The following RHD variants were observed in gnomAD, a reference collection of about 807,000 sequenced individuals.
RHD encodes blood group Rh(D) polypeptide.
Under a neutral mutation model 45.5 loss-of-function variants are expected in RHD, and 16 were observed. The observed-to-expected ratio is 0.35, with a 90% confidence interval of 0.24 to 0.53. RHD has a LOEUF of 0.53. Ranked by LOEUF, RHD falls within the 20% of genes least tolerant of loss-of-function variation. The pLI is 0.92. For synonymous variants in RHD, 131 were observed against 217.5 expected (o/e 0.60, Z 3.50); for missense variants, 306 against 532.0 (o/e 0.58, Z 4.18).
chr1:25,319,363 C>A (rs1644577879), intron 8 of RHD, among the ~76,000 whole-genome samples: 1 of 132,490 alleles, frequency 7.5e-6, no homozygotes, highest in Admixed American at 7.3e-5. Context: ...TACTTGTAAT[C>A]CCAGCACCTT....
intron 3 of RHD, among the ~76,000 whole-genome samples, chr1:25,292,378 T>G (rs557059432): frequency 0.016 from 2,137 of 129,634 alleles, 312 homozygotes; most frequent in Middle Eastern, 0.056. Flanking sequence ...CGGCAGTGAT[T>G]GCCATCATCC....
intron 1 of RHD, among the ~76,000 whole-genome samples, chr1:25,280,260 G>T (rs1641357169): frequency 7.9e-6 from 1 of 127,370 alleles, no homozygotes. Context: ...AGGGGCAGCA[G>T]CTGTGCCCAA....
At chr1:25,294,496 G>A in intron 3 of RHD, 1 of 688,220 alleles carries the variant, frequency 1.5e-6, no homozygotes, top group East Asian at 2.5e-5. Context: ...GGTGACAAGT[G>A]TATGTGCTGC....
intron 3 of RHD, among the ~76,000 whole-genome samples, chr1:25,299,073 A>T (rs1398195971): frequency 3.2e-5 from 2 of 62,266 alleles, no homozygotes; most frequent in African/African-American, 6.0e-5. Flanking sequence ...ACATGGTGAT[A>T]AAAAAAAAAA....
At chr1:25,310,340 AAG>A (rs1218861296) in intron 7 of RHD, among the ~76,000 whole-genome samples, 4 of 132,994 alleles carry the variant, frequency 3.0e-5, no homozygotes, top group African/African-American at 1.0e-4. Context: ...TAAGAAGAGA[AAG>A]AGAAATCTGA....
At chr1:25,272,869 T>G (rs1640614614) in intron 1 of RHD, among the ~76,000 whole-genome samples, 174 bp downstream of exon 1, 1 of 131,732 alleles carries the variant, frequency 7.6e-6, no homozygotes, top group Non-Finnish European at 1.8e-5. Context: ...TAAGCTTTCC[T>G]TTAGAAGCAG....
In RHD at chr1:25,282,232, T is replaced by TTTTA. The variant is rs1176960152; in HGVS notation, c.149-2325_149-2322dup. Among the ~76,000 whole-genome samples the TTTTA allele has an allele frequency of 2.3e-5, 3 of 132,166 alleles. 1 individual carries two copies. Among genetic ancestry groups the TTTTA allele is most frequent in the Non-Finnish European group, 3.6e-5 (2 of 55,800 alleles). 86.7% of individuals were successfully genotyped at this position (132,166 alleles called of 152,430 possible). A position where few individuals can be genotyped will look rare whatever the true frequency, so the allele number is the denominator to read the frequency against. On this transcript the variant is annotated intron_variant, in intron 1 of 9. Transcript: ENST00000328664. ...TGGAAACACATAAATTGATATTTCA[T>TTTTA]TTTATTTATTTATTTATTTTGAGAC...
At chr1:25,324,088 C>T (rs1217359074) in intron 9 of RHD, among the ~76,000 whole-genome samples, 3 of 63,664 alleles carry the variant, frequency 4.7e-5, no homozygotes, top group Admixed American at 1.8e-4. Context: ...ACAGCACAAA[C>T]AGGAGAAATC....
In RHD at chr1:25,310,877, G is replaced by T. The variant is rs1397432245; in HGVS notation, c.1073+4148G>T. ...AATCTCAGCTACTCAGGAGGCTGAA[G>T]CAGGAGAATCACTTGAACCCAGGAG... On this transcript the variant is annotated intron_variant, in intron 7 of 9. Transcript: ENST00000328664. Among the ~76,000 whole-genome samples, 5 of 130,730 alleles carry T rather than the reference G, an allele frequency of 3.8e-5. 1 individual carries two copies. The highest frequency in any genetic ancestry group is 5.4e-5 in the Non-Finnish European group (3 of 55,258). The allele number at this position is 130,730 out of a possible 152,430, so 85.8% of individuals were successfully genotyped here. A position where few individuals can be genotyped will look rare whatever the true frequency, so the allele number is the denominator to read the frequency against.
chr1:25,272,696 G>T lies in RHD; in HGVS notation c.148+1G>T. 6.9e-7 allele frequency: 1 copy of T among 1,444,898 alleles called. No homozygotes were observed. Among genetic ancestry groups the T allele is most frequent in the Non-Finnish European group, 9.7e-7 (1 of 1,034,858 alleles). The allele number at this position is 1,444,898 out of a possible 1,614,324, so 89.5% of individuals were successfully genotyped here. A position where few individuals can be genotyped will look rare whatever the true frequency, so the allele number is the denominator to read the frequency against. On this transcript the variant is annotated splice_donor_variant, in intron 1 of 9. Coordinates refer to ENST00000328664, the MANE Select transcript of RHD (RefSeq NM_016124.6). LOFTEE classifies it high-confidence loss of function. ...AAGGGGCTCGTGGCATCCTATCAAG[G>T]TGAGAGTTCATTGGAAAAGTGGTCA...
At chr1:25,287,575 T>A (rs1376376395) in intron 2 of RHD, among the ~76,000 whole-genome samples, 6 of 135,086 alleles carry the variant, frequency 4.4e-5, no homozygotes, top group Non-Finnish European at 8.8e-5. Context: ...GACTTGGGAC[T>A]GATTTGGTTC....
intron 2 of RHD, among the ~76,000 whole-genome samples, chr1:25,287,810 C>T (rs28444576): frequency 0.098 from 6,190 of 62,974 alleles, 1,131 homozygotes; most frequent in African/African-American, 0.18. Flanking sequence ...CAGCCTGTGC[C>T]TCCTGGGCTC....
In RHD at chr1:25,281,741, T is replaced by A. The variant is rs1438954284; in HGVS notation, c.149-2832T>A. 3.1e-5 allele frequency among the ~76,000 whole-genome samples: 4 copies of A among 131,054 alleles called. 2 individuals carry two copies. Among genetic ancestry groups the A allele is most frequent in the African/African-American group, 1.0e-4 (4 of 38,342 alleles). The allele number at this position is 131,054 out of a possible 152,430, so 86.0% of individuals were successfully genotyped here. ...GTCAGAAGAAGTGCAAAGAGTTGAATCCTTCCTAATGCCCACTTCTCACCC... is the reference window on the plus strand; with the variant it reads ...GTCAGAAGAAGTGCAAAGAGTTGAAACCTTCCTAATGCCCACTTCTCACCC... On this transcript the variant is annotated intron_variant, in intron 1 of 9. Coordinates refer to ENST00000328664, the MANE Select transcript of RHD (RefSeq NM_016124.6).
At chr1:25,273,271 G>A (rs1640647120) in intron 1 of RHD, among the ~76,000 whole-genome samples, 1 of 125,366 alleles carries the variant, frequency 8.0e-6, no homozygotes, top group Non-Finnish European at 1.9e-5. Context: ...AAGAAGCTGG[G>A]ACCACAGGAG....
At chr1:25,272,738 G>C in intron 1 of RHD, 43 bp downstream of exon 1, 1 of 1,375,970 alleles carries the variant, frequency 7.3e-7, no homozygotes, top group Non-Finnish European at 1.0e-6. Context: ...CAAATAGCAG[G>C]GGCAGGGGCG....
intron 3 of RHD, among the ~76,000 whole-genome samples, chr1:25,293,734 ACTGT>A (rs1642708526): frequency 7.6e-6 from 1 of 132,088 alleles, no homozygotes; most frequent in African/African-American, 2.6e-5. Flanking sequence ...AAAATTAAAC[ACTGT>A]CTAATTTTCT....
At position 25,284,597 on chromosome 1, in the gene RHD, C is replaced by T. The variant is rs370947145; in HGVS notation, c.173C>T (p.Ala58Val). 9 of 1,389,210 alleles carry T rather than the reference C, an allele frequency of 6.5e-6. 2 individuals carry two copies. Among genetic ancestry groups the T allele is most frequent in the African/African-American group, 5.6e-5 (4 of 71,390 alleles). The allele number at this position is 1,389,210 out of a possible 1,614,324, so 86.1% of individuals were successfully genotyped here. A position where few individuals can be genotyped will look rare whatever the true frequency, so the allele number is the denominator to read the frequency against. Residue 58 changes from alanine (A) to valine (V), a missense_variant, in exon 2 of 10, where the codon GCG becomes GTG. Ala to Val is a moderately conservative substitution (Grantham distance 64, BLOSUM62 0). Transcript: ENST00000328664. The stretch of plus-strand genomic sequence containing the variant: ...GTTGGCCAAGATCTGACCGTGATGG[C>T]GGCCATTGGCTTGGGCTTCCTCACC... ...YQVGQDLTVMAAIGLGFLTSS... is the reference protein window; with the variant it reads ...YQVGQDLTVMVAIGLGFLTSS...
In RHD at chr1:25,301,810, C is replaced by A; in HGVS notation, c.801+124C>A. 3 of 772,296 alleles carry A rather than the reference C, an allele frequency of 3.9e-6. 1 individual carries two copies. The highest frequency in any genetic ancestry group is 6.6e-6 in the Non-Finnish European group (3 of 452,332). 47.8% of individuals were successfully genotyped at this position (772,296 alleles called of 1,614,324 possible). On this transcript the variant is annotated intron_variant, in intron 5 of 9. Transcript: ENST00000328664. Reference sequence around the variant, plus strand: ...GGGCATGCCGGGTGGTGGAGCTGTGCCTGCCTCTACAGTGGAGCTCTAGGT... The same window carrying A: ...GGGCATGCCGGGTGGTGGAGCTGTGACTGCCTCTACAGTGGAGCTCTAGGT...
At chr1:25,321,800 G>A (rs1239452806) in intron 8 of RHD, 89 bp from the exon 9 acceptor site, 2 of 695,820 alleles carry the variant, frequency 2.9e-6, no homozygotes, top group African/African-American at 1.7e-5. Flanking sequence ...TTGAGATACT[G>A]TCGTTTTGAC....
Sources: gnomAD v4.1 joint callset for allele counts (sites outside exome capture counted in the v4.1 genomes callset) on GRCh38, gnomAD v4.1.1 for gene constraint, MANE v1.5 for transcripts, NCBI Gene and HGNC (gene_info 2026-07-23, HGNC 2026-07-21) for gene names.